Variants in SOX5 observed in about 807,000 individuals in gnomAD.
The protein encoded by SOX5 is transcription factor SOX-5.
A neutral mutation model predicts 92.0 loss-of-function variants in SOX5; 9 were observed. The ratio of observed to expected loss-of-function variants is 0.10; its 90% CI spans 0.06 to 0.17. The LOEUF (loss-of-function observed/expected upper bound fraction) is 0.17, where lower values mean the gene tolerates loss of function less well. Among genes scored for constraint, SOX5 ranks in the 10% least tolerant of loss-of-function variants. The pLI is 1.00. For missense variants in SOX5, 642 were observed against 944.5 expected (o/e 0.68, Z 4.20); for synonymous variants, 344 against 336.3 (o/e 1.02, Z -0.25).
At chr12:24,225,732 G>C (rs763249759) in intron 3 of SOX5, among the ~76,000 whole-genome samples, 1 of 152,158 alleles carries the variant, frequency 6.6e-6, no homozygotes, top group African/African-American at 2.4e-5. Flanking sequence ...TATTTTTAAT[G>C]ATTGTAATGA....
chr12:23,976,188 T>C (rs189681614), intron 4 of SOX5, among the ~76,000 whole-genome samples: 59 of 152,014 alleles, frequency 3.9e-4, no homozygotes, highest in Middle Eastern at 3.4e-3. Flanking sequence ...TCCGAGATGA[T>C]TAAAGAAAAA....
intron 1 of SOX5, among the ~76,000 whole-genome samples, chr12:24,397,030 G>GTTA (rs1960201969): frequency 6.6e-6 from 1 of 152,192 alleles, no homozygotes; most frequent in Non-Finnish European, 1.5e-5. Flanking sequence ...AGAGAGTTGT[G>GTTA]TTAGTACTTT....
intron 4 of SOX5, among the ~76,000 whole-genome samples, chr12:24,114,258 T>TA (rs869286650): frequency 8.5e-5 from 13 of 152,098 alleles, no homozygotes; most frequent in Middle Eastern, 3.4e-3. Flanking sequence ...AAAATTTTTT[T>TA]AAAAAAATCT....
chr12:24,428,230 G>C (rs939390220), intron 1 of SOX5, among the ~76,000 whole-genome samples: 81 of 149,764 alleles, frequency 5.4e-4, no homozygotes, highest in Non-Finnish European at 7.5e-4. Context: ...AAAAAAACCT[G>C]AGTTTACAGT....
intron 1 of SOX5, among the ~76,000 whole-genome samples, chr12:24,430,899 T>C (rs1049226691): frequency 3.3e-5 from 5 of 152,188 alleles, no homozygotes; most frequent in African/African-American, 1.2e-4. Context: ...ATCTTTAAAA[T>C]TGGAAAGTTG....
intron 11 of SOX5, among the ~76,000 whole-genome samples, chr12:23,554,028 G>A (rs982748542): frequency 6.6e-6 from 1 of 151,874 alleles, no homozygotes; most frequent in East Asian, 1.9e-4. Flanking sequence ...ATAGAAACAG[G>A]CACATCAGGG....
chr12:23,863,980 C>CT (rs34769335), intron 2 of SOX5, among the ~76,000 whole-genome samples: 18,206 of 146,118 alleles, frequency 0.12, 1,231 homozygotes, highest in East Asian at 0.24. Flanking sequence ...ACAAATATAG[C>CT]TTTTTTTTTT....
chr12:24,242,397 C>T (rs917938434), intron 3 of SOX5, among the ~76,000 whole-genome samples: 6 of 152,134 alleles, frequency 3.9e-5, no homozygotes, highest in Admixed American at 3.9e-4. Context: ...CTGTTCATTT[C>T]CCCACTAAAG....
intron 9 of SOX5, among the ~76,000 whole-genome samples, chr12:23,595,352 G>C (rs1952207685): frequency 1.3e-5 from 2 of 152,088 alleles, no homozygotes; most frequent in South Asian, 4.1e-4. Flanking sequence ...GCCGGACACG[G>C]TGGCTCACGC....
At chr12:23,861,232 A>C (rs571194792) in intron 2 of SOX5, among the ~76,000 whole-genome samples, 1 of 152,258 alleles carries the variant, frequency 6.6e-6, no homozygotes, top group East Asian at 1.9e-4. Context: ...CCTGCCTCTA[A>C]AATCCCTGCC....
At chr12:24,204,195 A>C (rs1388724271) in intron 4 of SOX5, among the ~76,000 whole-genome samples, 1 of 152,032 alleles carries the variant, frequency 6.6e-6, no homozygotes, top group African/African-American at 2.4e-5. Flanking sequence ...GATGTTCTTC[A>C]TTCTGTTTTC....
chr12:23,554,246 C>G (rs190029118), intron 11 of SOX5, among the ~76,000 whole-genome samples: 1 of 151,714 alleles, frequency 6.6e-6, no homozygotes, highest in Admixed American at 6.6e-5. Flanking sequence ...GGGTTTGGTG[C>G]GCAGTGAAGA....
At chr12:24,339,163 C>CCACACACACACACA (rs56243419) in intron 2 of SOX5, among the ~76,000 whole-genome samples, 1,499 of 140,434 alleles carry the variant, frequency 0.011, 16 homozygotes, top group Middle Eastern at 0.014. Context: ...TCTCTCTCTG[C>CCACACACACACACA]CACACACACA....
chr12:23,808,738 A>G (rs1567944368), intron 3 of SOX5, among the ~76,000 whole-genome samples: 1 of 152,182 alleles, frequency 6.6e-6, no homozygotes, highest in Non-Finnish European at 1.5e-5. Flanking sequence ...TTATGAATAC[A>G]TAATAATAAC....
chr12:24,503,847 T>G (rs577353315), intron 1 of SOX5, among the ~76,000 whole-genome samples: 1 of 152,138 alleles, frequency 6.6e-6, no homozygotes, highest in African/African-American at 2.4e-5. Context: ...AGGGGAGGGA[T>G]AGCATTAGAA....
chr12:24,518,959 A>G (rs1311692520), intron 1 of SOX5, among the ~76,000 whole-genome samples: 2 of 152,182 alleles, frequency 1.3e-5, no homozygotes, highest in Non-Finnish European at 2.9e-5. Flanking sequence ...TTCCTTAAAT[A>G]AGGTATGATT....
intron 1 of SOX5, among the ~76,000 whole-genome samples, chr12:24,428,609 A>T (rs1036716286): frequency 2.4e-4 from 37 of 151,728 alleles, no homozygotes; most frequent in African/African-American, 8.7e-4. Flanking sequence ...CTGTCTCCAT[A>T]AGAAAATTTA....
At chr12:23,977,234 G>C (rs1216834485) in intron 4 of SOX5, among the ~76,000 whole-genome samples, 2 of 152,172 alleles carry the variant, frequency 1.3e-5, no homozygotes, top group Non-Finnish European at 2.9e-5. Flanking sequence ...TTTCAGAGAG[G>C]AGGTAGTAAG....
chr12:23,942,967 C>T (rs1285566611), intron 1 of SOX5, among the ~76,000 whole-genome samples: 3 of 152,178 alleles, frequency 2.0e-5, no homozygotes, highest in African/African-American at 4.8e-5. Context: ...AAAGTTTCAA[C>T]GGATTTGCTG....
Sources: allele counts gnomAD v4.1 joint callset (sites outside exome capture counted in the v4.1 genomes callset), GRCh38; gene constraint gnomAD v4.1.1; transcripts MANE v1.5; gene names NCBI Gene and HGNC (gene_info 2026-07-23, HGNC 2026-07-21).